Variants in FHIT observed in about 807,000 individuals in gnomAD.
The protein encoded by FHIT is fragile histidine triad diadenosine triphosphatase.
A neutral mutation model predicts 17.9 loss-of-function variants in FHIT; 19 were observed. The ratio of observed to expected loss-of-function variants is 1.06; its 90% CI spans 0.74 to 1.56. The LOEUF (loss-of-function observed/expected upper bound fraction) is 1.56. FHIT is among the 40% of genes most tolerant of loss of function. The pLI is 0.00. For missense variants in FHIT, 248 were observed against 189.2 expected, an observed-to-expected ratio of 1.31 and a Z score of -1.82; for synonymous variants, 81 against 69.7, an observed-to-expected ratio of 1.16 and a Z score of -0.81.
intron 7 of FHIT, among the ~76,000 whole-genome samples, chr3:59,986,758 A>AAATATATAAATATATGTATATTTATAT (rs1708974399): frequency 3.0e-5 from 1 of 33,886 alleles, no homozygotes; most frequent in Non-Finnish European, 5.8e-5. Context: ...ATATATATAT[A>AAATATATAAATATATGTATATTTATAT]AATATATTTA....
intron 3 of FHIT, among the ~76,000 whole-genome samples, chr3:61,030,432 GTTAAAA>G (rs1559923632): frequency 6.6e-6 from 1 of 152,178 alleles, no homozygotes; most frequent in African/African-American, 2.4e-5. Context: ...ATTTCAGTTA[GTTAAAA>G]TTAAATAAAA....
intron 5 of FHIT, among the ~76,000 whole-genome samples, chr3:60,141,308 A>G (rs894198508): frequency 6.6e-6 from 1 of 152,100 alleles, no homozygotes; most frequent in African/African-American, 2.4e-5. Context: ...TTGTTCTGAA[A>G]GAAAACTGAT....
chr3:60,076,391 G>A, intron 5 of FHIT, among the ~76,000 whole-genome samples: 1 of 151,978 alleles, frequency 6.6e-6, no homozygotes, highest in Middle Eastern at 3.2e-3. Context: ...TCTTTAAATA[G>A]CCAACTTATA....
At chr3:60,110,978 T>G (rs932615761) in intron 5 of FHIT, among the ~76,000 whole-genome samples, 1 of 151,964 alleles carries the variant, frequency 6.6e-6, no homozygotes, top group East Asian at 1.9e-4. Flanking sequence ...CCTAGGAGAG[T>G]CTCCTGTGAT....
intron 5 of FHIT, among the ~76,000 whole-genome samples, chr3:60,185,444 G>T (rs573812244): frequency 3.3e-5 from 5 of 152,108 alleles, no homozygotes; most frequent in Non-Finnish European, 7.4e-5. Context: ...ATGTTTCTAT[G>T]TATAGTTCAT....
intron 2 of FHIT, among the ~76,000 whole-genome samples, chr3:61,188,318 A>T (rs1473139489): frequency 1.3e-5 from 2 of 152,242 alleles, no homozygotes; most frequent in Non-Finnish European, 2.9e-5. Context: ...ATGCAAATAA[A>T]CTAGAAAATC....
chr3:60,933,730 T>G (rs1256058826), intron 3 of FHIT, among the ~76,000 whole-genome samples: 2 of 152,234 alleles, frequency 1.3e-5, no homozygotes, highest in Non-Finnish European at 2.9e-5. Flanking sequence ...TCTGGAACAC[T>G]TTTTGGCTCA....
chr3:60,327,758 G>A (rs1268191969), intron 5 of FHIT, among the ~76,000 whole-genome samples: 1 of 152,196 alleles, frequency 6.6e-6, no homozygotes, highest in Admixed American at 6.5e-5. Context: ...ACTGGAGATG[G>A]TCTCTGCTGT....
chr3:61,110,918 A>G (rs914594995), intron 2 of FHIT, among the ~76,000 whole-genome samples: 5 of 152,184 alleles, frequency 3.3e-5, no homozygotes, highest in Non-Finnish European at 7.3e-5. Flanking sequence ...CTATAAAACA[A>G]TATTCCTATT....
intron 3 of FHIT, among the ~76,000 whole-genome samples, chr3:61,007,972 G>T (rs1342590638): frequency 6.6e-6 from 1 of 152,126 alleles, no homozygotes; most frequent in African/African-American, 2.4e-5. Flanking sequence ...TATGTTTCAT[G>T]CTCCCAAGAC....
At chr3:59,756,432 G>A (rs1701222642) in intron 8 of FHIT, among the ~76,000 whole-genome samples, 1 of 152,118 alleles carries the variant, frequency 6.6e-6, no homozygotes. Flanking sequence ...AAAAGAATGT[G>A]GTGGAGGTCA....
At chr3:60,628,768 T>C (rs536175999) in intron 4 of FHIT, among the ~76,000 whole-genome samples, 3 of 152,314 alleles carry the variant, frequency 2.0e-5, no homozygotes, top group African/African-American at 4.8e-5. Context: ...AGGCTTGACA[T>C]TCCCCCCACT....
chr3:60,459,178 T>C (rs914833169), intron 5 of FHIT, among the ~76,000 whole-genome samples: 1 of 152,150 alleles, frequency 6.6e-6, no homozygotes, highest in Non-Finnish European at 1.5e-5. Context: ...AGCTTTTACA[T>C]TAATGTTTAA....
chr3:60,814,168 T>TA (rs200217452), intron 4 of FHIT, among the ~76,000 whole-genome samples: 1,956 of 152,198 alleles, frequency 0.013, 22 homozygotes, highest in Non-Finnish European at 0.018. Context: ...TAGGTCTTTT[T>TA]AAAAAAAATT....
At chr3:60,015,630 C>G (rs1179622163) in intron 5 of FHIT, among the ~76,000 whole-genome samples, 1 of 152,172 alleles carries the variant, frequency 6.6e-6, no homozygotes, top group African/African-American at 2.4e-5. Flanking sequence ...ATTACACCCT[C>G]ACTTAGGCCT....
intron 1 of FHIT, among the ~76,000 whole-genome samples, chr3:61,220,239 A>T (rs2039801333): frequency 6.6e-6 from 1 of 152,332 alleles, no homozygotes; most frequent in East Asian, 1.9e-4. Context: ...CTAAGAGAAG[A>T]TTCTTAAACC....
chr3:60,073,253 C>T (rs1055503037), intron 5 of FHIT, among the ~76,000 whole-genome samples: 1 of 152,070 alleles, frequency 6.6e-6, no homozygotes, highest in African/African-American at 2.4e-5. Context: ...ACTCAAGATT[C>T]AAGAGTTTCC....
chr3:60,706,063 G>T (rs2041364269), intron 4 of FHIT, among the ~76,000 whole-genome samples: 1 of 151,898 alleles, frequency 6.6e-6, no homozygotes, highest in Non-Finnish European at 1.5e-5. Context: ...CTACATCTAG[G>T]ATATTATCAT....
intron 4 of FHIT, among the ~76,000 whole-genome samples, chr3:60,711,221 T>G (rs1338965730): frequency 6.6e-6 from 1 of 152,000 alleles, no homozygotes; most frequent in African/African-American, 2.4e-5. Flanking sequence ...GTCCTGTCTG[T>G]TAGAAGGAAA....
Sources: gnomAD v4.1 joint callset for allele counts (sites outside exome capture counted in the v4.1 genomes callset) on GRCh38, gnomAD v4.1.1 for gene constraint, MANE v1.5 for transcripts, NCBI Gene and HGNC (gene_info 2026-07-23, HGNC 2026-07-21) for gene names.